The following SKAP1 variants were observed in gnomAD, a reference collection of about 807,000 sequenced individuals.
SKAP1 encodes the protein src kinase associated phosphoprotein 1, also known as src kinase-associated phosphoprotein 1.
Under a neutral mutation model 58.5 loss-of-function variants are expected in SKAP1, and 44 were observed. The ratio of observed to expected loss-of-function variants is 0.75; its 90% CI spans 0.59 to 0.97. The LOEUF is 0.97. Among genes scored for constraint, SKAP1 ranks in the 50% least tolerant of loss-of-function variants. SKAP1 has a pLI of 0.00. For missense variants in SKAP1, 390 were observed against 435.2 expected (o/e 0.90, Z 0.92); for synonymous variants, 127 against 149.7 (o/e 0.85, Z 1.11).
chr17:48,264,589 A>C (rs561200925), intron 4 of SKAP1, among the ~76,000 whole-genome samples: 15 of 152,228 alleles, frequency 9.9e-5, no homozygotes, highest in Non-Finnish European at 2.2e-4. Flanking sequence ...TGTACTCCAA[A>C]GAGACCCATA....
chr17:48,226,590 T>G (rs2065071454), intron 4 of SKAP1, among the ~76,000 whole-genome samples: 1 of 152,156 alleles, frequency 6.6e-6, no homozygotes, highest in Admixed American at 6.5e-5. Context: ...TATCTAGACT[T>G]CCTGGAACCA....
intron 11 of SKAP1, among the ~76,000 whole-genome samples, chr17:48,157,020 T>A (rs1025036829): frequency 7.2e-5 from 11 of 152,346 alleles, no homozygotes; most frequent in African/African-American, 2.4e-4. Context: ...TCCTACTTCC[T>A]ACATGCCAGG....
At chr17:48,277,625 A>G (rs2065716767) in intron 4 of SKAP1, among the ~76,000 whole-genome samples, 1 of 152,222 alleles carries the variant, frequency 6.6e-6, no homozygotes, top group African/African-American at 2.4e-5. Flanking sequence ...AAAATTTTTA[A>G]CAAACGTCAT....
At chr17:48,339,609 T>C (rs978198947) in intron 4 of SKAP1, among the ~76,000 whole-genome samples, 1 of 152,166 alleles carries the variant, frequency 6.6e-6, no homozygotes, top group African/African-American at 2.4e-5. Flanking sequence ...TGAACCTACA[T>C]AGGTTTCTAA....
chr17:48,260,497 A>G (rs1598481323), intron 4 of SKAP1, among the ~76,000 whole-genome samples: 1 of 152,316 alleles, frequency 6.6e-6, no homozygotes, highest in South Asian at 2.1e-4. Flanking sequence ...TGGCATTTAG[A>G]TTCATTCCAT....
At chr17:48,429,414 G>GGTGA (rs1279035971) in intron 1 of SKAP1, among the ~76,000 whole-genome samples, 2 of 152,146 alleles carry the variant, frequency 1.3e-5, no homozygotes, top group African/African-American at 4.8e-5. Flanking sequence ...GTAGTTGGAA[G>GGTGA]GTGAACACAC....
intron 4 of SKAP1, among the ~76,000 whole-genome samples, chr17:48,242,009 G>A (rs962601837): frequency 6.6e-6 from 1 of 152,202 alleles, no homozygotes; most frequent in African/African-American, 2.4e-5. Flanking sequence ...AGGGGTTAAT[G>A]AGGTTGAGTT....
intron 2 of SKAP1, among the ~76,000 whole-genome samples, chr17:48,395,192 G>C (rs1483592367): frequency 6.6e-6 from 1 of 152,132 alleles, no homozygotes; most frequent in Non-Finnish European, 1.5e-5. Context: ...AGAGGATTAA[G>C]AAGTATAATA....
At chr17:48,337,153 C>G (rs2066583498) in intron 4 of SKAP1, among the ~76,000 whole-genome samples, 1 of 152,052 alleles carries the variant, frequency 6.6e-6, no homozygotes, top group African/African-American at 2.4e-5. Flanking sequence ...CCTGCTAGAC[C>G]AGTGTATCCG....
chr17:48,180,665 A>T (rs928593614), intron 8 of SKAP1, among the ~76,000 whole-genome samples: 2 of 152,206 alleles, frequency 1.3e-5, no homozygotes, highest in Non-Finnish European at 1.5e-5. Context: ...GTGGGAGCTA[A>T]GGTGGCCTCT....
chr17:48,443,987 T>C, the SKAP1 span, among the ~76,000 whole-genome samples: 2 of 152,162 alleles, frequency 1.3e-5, no homozygotes, highest in African/African-American at 4.8e-5. Context: ...TAATTAGTAC[T>C]AGATTAATTT....
rs9904637 is a variant in SKAP1 at position 48,314,756 on chromosome 17, A to T, written c.280+31149T>A. ...CTTAGAAAAGTACAAAAATTATTTTAAAAAAAATCCGAGGAATACTTGAAA... is the reference window on the plus strand; with the variant it reads ...CTTAGAAAAGTACAAAAATTATTTTTAAAAAAATCCGAGGAATACTTGAAA... On this transcript the variant is annotated intron_variant, in intron 4 of 12. Coordinates refer to ENST00000336915, the MANE Select transcript of SKAP1 (RefSeq NM_003726.4). Among the ~76,000 whole-genome samples, 653 of 152,202 alleles carry T rather than the reference A, an allele frequency of 4.3e-3. 2 individuals are homozygous for T. The highest frequency in any genetic ancestry group is 0.013 in the African/African-American group (554 of 41,542).
intron 11 of SKAP1, chr17:48,156,358 TCGC>T: frequency 7.6e-6 from 2 of 263,196 alleles, no homozygotes; most frequent in Non-Finnish European, 1.6e-5. Flanking sequence ...TCTGCGGTGG[TCGC>T]CGGCATCGTG....
intron 3 of SKAP1, among the ~76,000 whole-genome samples, chr17:48,357,577 C>T (rs2066891937): frequency 6.6e-6 from 1 of 152,028 alleles, no homozygotes; most frequent in Admixed American, 6.5e-5. Context: ...TTGCAGTGAG[C>T]CAAGATCGTG....
chr17:48,270,031 G>C (rs950107940), intron 4 of SKAP1, among the ~76,000 whole-genome samples: 2 of 152,118 alleles, frequency 1.3e-5, no homozygotes, highest in African/African-American at 4.8e-5. Context: ...AGTATCGCTT[G>C]AACCAGGAGG....
intron 2 of SKAP1, among the ~76,000 whole-genome samples, chr17:48,381,696 T>C (rs2067216381): frequency 6.6e-6 from 1 of 152,224 alleles, no homozygotes; most frequent in African/African-American, 2.4e-5. Flanking sequence ...TTGGGAATAT[T>C]TGTTGGCTAT....
chr17:48,184,663 T>A (rs892623163), intron 7 of SKAP1, 60 bp downstream of exon 7: 126 of 1,606,188 alleles, frequency 7.8e-5, no homozygotes, highest in Non-Finnish European at 1.0e-4. Flanking sequence ...ATGGCTCACA[T>A]GCAATACAGA....
chr17:48,197,013 C>T (rs1170730766), intron 4 of SKAP1, among the ~76,000 whole-genome samples: 2 of 152,230 alleles, frequency 1.3e-5, no homozygotes, highest in Non-Finnish European at 2.9e-5. Flanking sequence ...AATCCCAGCA[C>T]TTTGGGAGGC....
Position 48,253,882 on chromosome 17 carries a change from C to T in SKAP1, c.281-64382G>A, listed in dbSNP as rs148791074. On this transcript the variant is annotated intron_variant, in intron 4 of 12. Coordinates refer to ENST00000336915, the MANE Select transcript of SKAP1 (RefSeq NM_003726.4). ...AAATAATAATAAGAAGAAAATATAACTGCTTTCTTATGAGGAAAATATTAT... is the reference window on the plus strand; with the variant it reads ...AAATAATAATAAGAAGAAAATATAATTGCTTTCTTATGAGGAAAATATTAT... Among the ~76,000 whole-genome samples the T allele has an allele frequency of 3.7e-3, 566 of 152,252 alleles. 3 individuals are homozygous for T. Among genetic ancestry groups the T allele is most frequent in the African/African-American group, 0.013 (534 of 41,538 alleles).
Sources: gnomAD v4.1 joint callset for allele counts (sites outside exome capture counted in the v4.1 genomes callset) on GRCh38, gnomAD v4.1.1 for gene constraint, MANE v1.5 for transcripts, NCBI Gene and HGNC (gene_info 2026-07-23, HGNC 2026-07-21) for gene names.